Variants in KLRK1 observed in about 807,000 individuals in gnomAD.
The protein encoded by KLRK1 is killer cell lectin like receptor K1, also known as NKG2-D type II integral membrane protein.
KLRK1 carries 40 observed loss-of-function variants against 31.3 expected under a neutral mutation model. The ratio of observed to expected loss-of-function variants is 1.28; its 90% CI spans 0.99 to 1.67. The LOEUF is 1.67. Ranked by LOEUF, KLRK1 falls within the 40% of genes most tolerant of loss-of-function variation. The pLI is 0.00. For missense variants in KLRK1, 251 were observed against 260.0 expected (o/e 0.97, Z 0.24); for synonymous variants, 77 against 77.3 (o/e 1.00, Z 0.02).
chr12:10,383,291 A>C (rs765972761), intron 3 of KLRK1, among the ~76,000 whole-genome samples: 8 of 152,050 alleles, frequency 5.3e-5, no homozygotes, highest in Non-Finnish European at 1.0e-4. Context: ...ACATAGACTG[A>C]CTGTATAGGG....
intron 7 of KLRK1, among the ~76,000 whole-genome samples, chr12:10,376,075 A>AAAAAACTACTCCAGGATGGAG (rs1222073963): frequency 6.6e-6 from 1 of 152,224 alleles, no homozygotes; most frequent in African/African-American, 2.4e-5. Context: ...GCATGTATGT[A>AAAAAACTACTCCAGGATGGAG]AAAAACTACT....
chr12:10,380,127 G>A (rs1264017637), intron 3 of KLRK1, among the ~76,000 whole-genome samples: 13 of 143,342 alleles, frequency 9.1e-5, no homozygotes, highest in South Asian at 2.2e-4. Flanking sequence ...GTGCAGTGGC[G>A]CGATCTCGGC....
chr12:10,381,143 G>GC (rs370031171), intron 3 of KLRK1, among the ~76,000 whole-genome samples: 41 of 151,200 alleles, frequency 2.7e-4, no homozygotes, highest in African/African-American at 7.3e-4. Context: ...TCATGCATGC[G>GC]CCCCCCCAGA....
intron 2 of KLRK1, among the ~76,000 whole-genome samples, chr12:10,387,420 G>A (rs1481148952): frequency 2.0e-5 from 3 of 151,780 alleles, no homozygotes; most frequent in Non-Finnish European, 2.9e-5. Context: ...TTCCTAATTT[G>A]CAAAAGACGA....
chr12:10,374,354 C>G (rs995909918), intron 7 of KLRK1, among the ~76,000 whole-genome samples: 1 of 148,376 alleles, frequency 6.7e-6, no homozygotes, highest in Non-Finnish European at 1.5e-5. Flanking sequence ...TAGGTTCAGT[C>G]TACATTAGAG....
chr12:10,388,720 T>C (rs1392084355), intron 2 of KLRK1, 51 bp downstream of exon 2: 2 of 1,611,118 alleles, frequency 1.2e-6, no homozygotes, highest in East Asian at 2.2e-5. Context: ...ATTCTTGGTA[T>C]CTTAAAATTG....
intron 3 of KLRK1, among the ~76,000 whole-genome samples, chr12:10,382,732 A>T (rs1230608170): frequency 1.3e-5 from 2 of 152,202 alleles, no homozygotes; most frequent in East Asian, 3.8e-4. Context: ...AACCACTCAG[A>T]TCTTATGAAG....
intron 6 of KLRK1, 53 bp from the exon 7 acceptor site, chr12:10,378,288 T>TA: frequency 6.4e-7 from 1 of 1,563,900 alleles, no homozygotes; most frequent in Non-Finnish European, 8.8e-7. Context: ...ATAATTTTAG[T>TA]AAACGCAAGA....
At chr12:10,387,420 G>C (rs1481148952) in intron 2 of KLRK1, among the ~76,000 whole-genome samples, 1 of 151,898 alleles carries the variant, frequency 6.6e-6, no homozygotes, top group South Asian at 2.1e-4. Flanking sequence ...TTCCTAATTT[G>C]CAAAAGACGA....
chr12:10,373,543 GAAAT>G (rs1555118539), intron 7 of KLRK1, among the ~76,000 whole-genome samples: 4 of 152,258 alleles, frequency 2.6e-5, no homozygotes, highest in African/African-American at 4.8e-5. Flanking sequence ...ATTTAAGTGA[GAAAT>G]AAATTCAGTG....
chr12:10,376,072 TGTAAAAAACTACTCCAGGATG>T (rs1862959387), intron 7 of KLRK1, among the ~76,000 whole-genome samples: 1 of 152,234 alleles, frequency 6.6e-6, no homozygotes, highest in Non-Finnish European at 1.5e-5. Context: ...AATGCATGTA[TGTAAAAAACTACTCCAGGATG>T]GAGAAAGAAC....
At chr12:10,381,597 A>G (rs969904874) in intron 3 of KLRK1, among the ~76,000 whole-genome samples, 4 of 151,416 alleles carry the variant, frequency 2.6e-5, no homozygotes, top group Non-Finnish European at 5.9e-5. Context: ...AACAACAGGT[A>G]TATCAGAAAA....
rs1017166250 is a variant in KLRK1 at position 10,372,846 on chromosome 12, C to T, written c.*268G>A. ...TAGAAATTAAAACAGCACCCCTCCC[C>T]CAGCCCATCCACTCTGGGCTTGTGG... is the stretch of plus-strand genomic sequence containing the variant. On this transcript the variant is annotated 3_prime_UTR_variant, in exon 8 of 8. Transcript: ENST00000240618. 2 of 376,316 alleles carry T rather than the reference C, an allele frequency of 5.3e-6. No individual in the cohort carries two copies. The highest frequency in any genetic ancestry group is 9.5e-6 in the Non-Finnish European group (2 of 211,192). The allele number at this position is 376,316 out of a possible 1,614,324, so 23.3% of individuals were successfully genotyped here. A position where few individuals can be genotyped will look rare whatever the true frequency, so the allele number is the denominator to read the frequency against.
intron 7 of KLRK1, among the ~76,000 whole-genome samples, chr12:10,374,592 A>G (rs914215195): frequency 6.8e-5 from 10 of 147,752 alleles, no homozygotes; most frequent in African/African-American, 2.5e-4. Flanking sequence ...ATGAGCTTTC[A>G]CCATGTTGGC....
At chr12:10,375,010 C>T (rs566764604) in intron 7 of KLRK1, among the ~76,000 whole-genome samples, 130 of 149,376 alleles carry the variant, frequency 8.7e-4, no homozygotes, top group African/African-American at 3.0e-3. Flanking sequence ...ATGATATAAA[C>T]TCTTATTTTT....
At chr12:10,379,636 A>C in intron 4 of KLRK1, 64 bp downstream of exon 4, 1 of 1,485,582 alleles carries the variant, frequency 6.7e-7, no homozygotes, top group Non-Finnish European at 9.1e-7. Context: ...GAATACTAAC[A>C]AAAATAATAC....
intron 7 of KLRK1, among the ~76,000 whole-genome samples, chr12:10,374,400 T>A (rs1448911350): frequency 6.8e-6 from 1 of 147,180 alleles, no homozygotes; most frequent in Non-Finnish European, 1.5e-5. Flanking sequence ...TCTCTCTCTT[T>A]TTTTTTTTTT....
chr12:10,381,267 A>T (rs1349080853), intron 3 of KLRK1, among the ~76,000 whole-genome samples: 1 of 149,320 alleles, frequency 6.7e-6, no homozygotes, highest in Non-Finnish European at 1.5e-5. Context: ...AAAAAAAAAA[A>T]TACCTCCTCC....
At chr12:10,376,685 ATT>A (rs929920908) in intron 7 of KLRK1, among the ~76,000 whole-genome samples, 3 of 152,204 alleles carry the variant, frequency 2.0e-5, no homozygotes, top group Non-Finnish European at 2.9e-5. Context: ...TGAGAAGAAA[ATT>A]TTTACCTAAA....
Sources: allele counts gnomAD v4.1 joint callset (sites outside exome capture counted in the v4.1 genomes callset), GRCh38; gene constraint gnomAD v4.1.1; transcripts MANE v1.5; gene names NCBI Gene and HGNC (gene_info 2026-07-23, HGNC 2026-07-21).